Variants in ALOX15 observed in about 807,000 individuals in gnomAD.
ALOX15 encodes the protein polyunsaturated fatty acid lipoxygenase ALOX15.
A neutral mutation model predicts 71.7 loss-of-function variants in ALOX15; 68 were observed. The observed-to-expected ratio is 0.95, with a 90% CI of 0.78 to 1.16. ALOX15 has a LOEUF of 1.16. ALOX15 is among the 50% of genes most tolerant of loss of function. The pLI is 0.00. For missense variants in ALOX15, 798 were observed against 818.8 expected (o/e 0.97, Z 0.31); for synonymous variants, 346 against 333.3 (o/e 1.04, Z -0.42).
chr17:4,639,780 G>A (rs1211513356), intron 1 of ALOX15, 149 bp from the exon 2 acceptor site: 1 of 753,650 alleles, frequency 1.3e-6, no homozygotes, highest in Non-Finnish European at 2.1e-6. Flanking sequence ...CAGAGAGAGA[G>A]GGACCGCGCC....
intron 4 of ALOX15, 82 bp downstream of exon 4, chr17:4,638,768 C>G: frequency 6.2e-7 from 1 of 1,613,014 alleles, no homozygotes; most frequent in Non-Finnish European, 8.5e-7. Context: ...CTGGGCCAGT[C>G]CAATGCAGTG....
intron 1 of ALOX15, 21 bp downstream of exon 1, chr17:4,641,496 G>C (rs950848759): frequency 1.0e-5 from 16 of 1,604,758 alleles, no homozygotes; most frequent in Non-Finnish European, 1.3e-5. Flanking sequence ...AGCCCACCCC[G>C]CCCGGCTCTG....
rs367886148 is a variant in ALOX15, at chr17:4,631,594, C to T, written c.*6G>A. ...GGGGGCTGAAATAACCAAAGGGTGG[C>T]GACGCTTAGATGGCCACACTGTTTT... On this transcript the variant is annotated 3_prime_UTR_variant, in exon 14 of 14. Coordinates refer to ENST00000293761, the MANE Select transcript of ALOX15 (RefSeq NM_001140.5). The T allele has an allele frequency of 1.2e-4, 191 of 1,611,994 alleles. No homozygotes were observed. In the African/African-American group the frequency reaches 2.0e-3, roughly 17 times the overall value.
chr17:4,639,759 G>A (rs1459017357), intron 1 of ALOX15, 128 bp from the exon 2 acceptor site: 2 of 861,018 alleles, frequency 2.3e-6, no homozygotes, highest in Non-Finnish European at 3.5e-6. Context: ...ATCGGGGTGC[G>A]GGGACTGAGC....
intron 6 of ALOX15, 122 bp downstream of exon 6, chr17:4,638,095 T>C: frequency 3.3e-6 from 2 of 604,212 alleles, no homozygotes; most frequent in East Asian, 2.8e-5. Context: ...GGACCTCTCC[T>C]GCAGAATCCG....
chr17:4,635,905 C>T lies in ALOX15; in HGVS notation c.1015G>A (p.Ala339Thr). 1 of 1,614,210 alleles carries T rather than the reference C, an allele frequency of 6.2e-7. No homozygotes were observed. Among genetic ancestry groups the T allele is most frequent in the Non-Finnish European group, 8.5e-7 (1 of 1,180,042 alleles). ...PLFLPTDPPMAWLLAKCWVRS... is the reference protein window; with the variant it reads ...PLFLPTDPPMTWLLAKCWVRS... ...ACCCAGCATTTGGCCAGAAGCCAGG[C>T]CATTGGGGGATCCGTAGGCAAGAAA... The change falls in exon 8 of 14, where the codon GCC (alanine) becomes ACC (threonine). Residue 339 changes from alanine (A) to threonine (T), a missense_variant. Ala to Thr is a moderately conservative substitution (Grantham distance 58, BLOSUM62 0). This residue lies in a region of ALOX15 where 490 missense variants were observed against 509.4 expected (regional missense o/e 0.96). Coordinates refer to ENST00000293761, the MANE Select transcript of ALOX15 (RefSeq NM_001140.5).
rs778403773 is a variant in ALOX15 at position 4,638,677 on chromosome 17, C to T, written c.550G>A (p.Asp184Asn). Residue 184 changes from aspartate to asparagine, a missense_variant, in exon 5 of 14, where the codon GAC becomes AAC. Coordinates refer to ENST00000293761, the MANE Select transcript of ALOX15 (RefSeq NM_001140.5). ...FEVSLAKGLA[D>N]LAIKDSLNVL... ...TTTAGAGAGTCTTTGATAGCGAGGT[C>T]GGCCAGCCTTCAGGGCAGGATGGGG... 2.0e-5 allele frequency: 33 copies of T among 1,614,152 alleles called. No homozygotes were observed. The highest frequency in any genetic ancestry group is 2.5e-5 in the Non-Finnish European group (29 of 1,180,004).
At position 4,632,887 on chromosome 17, in the gene ALOX15, AT is replaced by A; in HGVS notation, c.1513del (p.Ile505SerfsTer72). On this transcript the variant is annotated frameshift_variant, in exon 11 of 14. Transcript: ENST00000293761. LOFTEE classifies it high-confidence loss of function. ...TCGGTCCTGGGCCCCTTGCAGCCCG[AT>A]TTCAGTGATCTCTCGACACCAGGTC... ...LQTWCREITE[I>X]GLQGAQDRGF... 6.2e-7 allele frequency: 1 copy of A among 1,614,018 alleles called. No homozygotes were observed. Among genetic ancestry groups the A allele is most frequent in the South Asian group, 1.1e-5 (1 of 91,084 alleles).
intron 1 of ALOX15, among the ~76,000 whole-genome samples, chr17:4,640,562 C>T (rs572820415): frequency 7.1e-6 from 1 of 141,818 alleles, no homozygotes; most frequent in East Asian, 2.3e-4. Context: ...GAGGAGGGAG[C>T]GCGCCTTTCC....
At position 4,634,458 on chromosome 17, in the gene ALOX15, G is replaced by A. The variant is rs141772280; in HGVS notation, c.1162-958C>T. Among the ~76,000 whole-genome samples, 392 of 150,896 alleles carry A rather than the reference G, an allele frequency of 2.6e-3. 1 individual carries two copies. The highest frequency in any genetic ancestry group is 5.6e-3 in the Admixed American group (85 of 15,118). On this transcript the variant is annotated intron_variant, in intron 8 of 13. Coordinates refer to ENST00000293761, the MANE Select transcript of ALOX15 (RefSeq NM_001140.5). ...GCTGGGATTACAGGCGTGAACCACC[G>A]TGCCTGGCCTCCTTTTCTTTTCATA...
At chr17:4,639,030 G>A in intron 3 of ALOX15, 21 bp downstream of exon 3, 1 of 1,614,180 alleles carries the variant, frequency 6.2e-7, no homozygotes, top group Non-Finnish European at 8.5e-7. Flanking sequence ...GCTCACGTGG[G>A]GTCAGGGGAG....
In ALOX15 at chr17:4,639,557, G is replaced by A. The variant is rs148622459; in HGVS notation, c.210C>T (p.Leu70=). The A allele has an allele frequency of 8.7e-6, 14 of 1,613,998 alleles. No homozygotes were observed. The African/African-American group carries it at 1.9e-4, about 22-fold the overall frequency. Reference sequence around the variant, plus strand: ...TGCAGAACCAGGCGTCGTCCTTAAGGAGGTGCCGTTTGCGCAGTTTCACAA... The same window carrying A: ...TGCAGAACCAGGCGTCGTCCTTAAGAAGGTGCCGTTTGCGCAGTTTCACAA... ...LLFVKLRKRH[L]LKDDAWFCNW... is the part of the protein sequence containing the mutation. The change falls in exon 2 of 14, where the codon CTC becomes CTT. Residue 70 remains leucine (L), a synonymous_variant. Coordinates refer to ENST00000293761, the MANE Select transcript of ALOX15 (RefSeq NM_001140.5).
rs1170223535 is a variant in ALOX15 at position 4,637,054 on chromosome 17, A to G, written c.951+61T>C. The G allele has an allele frequency of 5.2e-6, 8 of 1,547,840 alleles. No individual in the cohort carries two copies. The African/African-American group carries it at 1.1e-4, about 21-fold the overall frequency. On this transcript the variant is annotated intron_variant, in intron 7 of 13. Coordinates refer to ENST00000293761, the MANE Select transcript of ALOX15 (RefSeq NM_001140.5). ...TGCAGATGGTGCTCAGTAAATTTTG[A>G]TAAGGGGCTGAGCTTTCTCAAAAGC...
Position 4,633,404 on chromosome 17 carries a change from C to G in ALOX15, c.1248+10G>C. 1 of 1,613,624 alleles carries G rather than the reference C, an allele frequency of 6.2e-7. No homozygotes were observed. The highest frequency in any genetic ancestry group is 8.5e-7 in the Non-Finnish European group (1 of 1,179,654). On this transcript the variant is annotated intron_variant, in intron 9 of 13. Transcript: ENST00000293761. Reference sequence around the variant, plus strand: ...AGACAGACCCAGAATCTCCCTTTCTCTTCCCATACCTGGTCGAAAATTCCC... The same window carrying G: ...AGACAGACCCAGAATCTCCCTTTCTGTTCCCATACCTGGTCGAAAATTCCC...
At chr17:4,639,762 G>A (rs1163690750) in intron 1 of ALOX15, 131 bp from the exon 2 acceptor site, 25 of 840,900 alleles carry the variant, frequency 3.0e-5, no homozygotes, top group Admixed American at 2.6e-4. Flanking sequence ...GGGGTGCGGG[G>A]ACTGAGCCAG....
At position 4,633,447 on chromosome 17, in the gene ALOX15, A is replaced by G. The variant is rs774127223; in HGVS notation, c.1215T>C (p.Thr405=). The part of the protein sequence containing the change: ...YTLEINVRAR[T]GLVSDMGIFD... Reference sequence around the variant, plus strand: ...AAATTCCCATGTCAGAGACCAGCCCAGTCCTGGCCCGGACGTTAATTTCCA... The same window carrying G: ...AAATTCCCATGTCAGAGACCAGCCCGGTCCTGGCCCGGACGTTAATTTCCA... The change falls in exon 9 of 14, where the codon ACT becomes ACC. Residue 405 remains threonine, a synonymous_variant. Transcript: ENST00000293761. 8 of 1,614,152 alleles carry G rather than the reference A, an allele frequency of 5.0e-6. No homozygotes were observed. Among genetic ancestry groups the G allele is most frequent in the Non-Finnish European group, 6.8e-6 (8 of 1,180,018 alleles).
At chr17:4,639,770 CAG>C (rs1294674322) in intron 1 of ALOX15, 139 bp from the exon 2 acceptor site, 64 of 807,004 alleles carry the variant, frequency 7.9e-5, no homozygotes, top group South Asian at 2.0e-4. Context: ...GGGACTGAGC[CAG>C]AGAGAGAGGG....
chr17:4,638,653 T>C lies in ALOX15; in HGVS notation c.574A>G (p.Asn192Asp), dbSNP rs372297874. The change falls in exon 5 of 14, where the codon AAT becomes GAT. Residue 192 changes from asparagine (N) to aspartate (D), a missense_variant. Around this residue, in one of 3 missense-constraint regions of ALOX15, gnomAD observed 300 missense variants for 283.1 expected, o/e 1.06. Coordinates refer to ENST00000293761, the MANE Select transcript of ALOX15 (RefSeq NM_001140.5). ...LADLAIKDSL[N>D]VLTCWKDLDD... ...AGATCCTTCCAGCAAGTCAGAACAT[T>C]TAGAGAGTCTTTGATAGCGAGGTCG... 4 of 1,613,988 alleles carry C rather than the reference T, an allele frequency of 2.5e-6. No homozygotes were observed. In the African/African-American group the frequency reaches 5.3e-5, roughly 22 times the overall value.
chr17:4,633,510 G>A lies in ALOX15; in HGVS notation c.1162-10C>T, dbSNP rs373955988. The stretch of plus-strand genomic sequence containing the variant: ...GGTGGGGAATTATAAGCTAGAGGGA[G>A]AAACACAGGGAAGGGCAGAGTCAGA... On this transcript the variant is annotated splice_polypyrimidine_tract_variant and intron_variant, in intron 8 of 13. Transcript: ENST00000293761. 39 of 1,610,272 alleles carry A rather than the reference G, an allele frequency of 2.4e-5. No individual in the cohort carries two copies. The African/African-American group carries it at 4.5e-4, about 19-fold the overall frequency.
Sources: gnomAD v4.1 joint callset for allele counts (sites outside exome capture counted in the v4.1 genomes callset) on GRCh38, gnomAD v4.1.1 for gene constraint, gnomAD v4.1.1 regional missense constraint, MANE v1.5 for transcripts, NCBI Gene and HGNC (gene_info 2026-07-23, HGNC 2026-07-21) for gene names.